The following COL11A1 variants were observed in gnomAD, a reference collection of about 807,000 sequenced individuals.
COL11A1 encodes collagen alpha-1(XI) chain.
In COL11A1, 74 loss-of-function variants were observed where a neutral mutation model predicts 265.2. The ratio of observed to expected loss-of-function variants is 0.28; its 90% CI spans 0.23 to 0.34. The LOEUF is 0.34. Ranked by LOEUF, COL11A1 falls within the 10% of genes least tolerant of loss-of-function variation. The pLI, the probability that COL11A1 is intolerant of heterozygous loss-of-function variation, is 1.00. For synonymous variants in COL11A1, 816 were observed against 727.6 expected, an observed-to-expected ratio of 1.12 and a Z score of -1.96; for missense variants, 2,165 against 2,263.6, an observed-to-expected ratio of 0.96 and a Z score of 0.88.
intron 42 of COL11A1, among the ~76,000 whole-genome samples, chr1:102,942,700 A>C (rs1199077703): frequency 3.3e-5 from 5 of 151,594 alleles, no homozygotes; most frequent in Non-Finnish European, 5.9e-5. Flanking sequence ...AAAATCCATC[A>C]CTCCTTCCTC....
At chr1:102,984,051 G>A in intron 31 of COL11A1, 87 bp downstream of exon 31, 1 of 944,234 alleles carries the variant, frequency 1.1e-6, no homozygotes, top group South Asian at 1.4e-5. Context: ...TGATAATATA[G>A]AGATGTTACA....
intron 12 of COL11A1, among the ~76,000 whole-genome samples, chr1:103,015,097 C>G (rs914909660): frequency 5.9e-5 from 9 of 151,878 alleles, no homozygotes; most frequent in African/African-American, 2.2e-4. Context: ...TGTAATATTC[C>G]TCTATAAAAT....
chr1:103,006,106 C>A lies in COL11A1; in HGVS notation c.1753G>T (p.Asp585Tyr). 1 of 1,613,954 alleles carries A rather than the reference C, an allele frequency of 6.2e-7. No individual in the cohort carries two copies. Among genetic ancestry groups the A allele is most frequent in the Non-Finnish European group, 8.5e-7 (1 of 1,179,952 alleles). ...TCTCCTGGCATTCCTCTTCCTCCAT[C>A]TGCACCTGGACGACCCTAATAATGC... ...KPGKRGRPGA[D>Y]GGRGMPGEPG... Residue 585 changes from aspartate (D) to tyrosine (Y), a missense_variant, in exon 17 of 67, where the codon GAT (aspartate) becomes TAT (tyrosine). Asp to Tyr is a radical substitution (Grantham distance 160). Coordinates refer to ENST00000370096, the MANE Select transcript of COL11A1 (RefSeq NM_001854.4).
At chr1:102,962,586 G>A in intron 39 of COL11A1, 67 bp downstream of exon 39, 1 of 1,305,416 alleles carries the variant, frequency 7.7e-7, no homozygotes, top group African/African-American at 1.4e-5. Flanking sequence ...CTGTAGACAA[G>A]GGGTGAGTAT....
At position 102,979,041 on chromosome 1, in the gene COL11A1, T is replaced by C; in HGVS notation, c.2655+19A>G. The C allele has an allele frequency of 6.2e-7, 1 of 1,614,018 alleles. No homozygotes were observed. The highest frequency in any genetic ancestry group is 2.2e-5 in the East Asian group (1 of 44,870). On this transcript the variant is annotated intron_variant, in intron 33 of 66. Coordinates refer to ENST00000370096, the MANE Select transcript of COL11A1 (RefSeq NM_001854.4). ...ATTCAATATGAAAAATGTACATCAT[T>C]TTAAATCAAGGCACCTACCGTTGGA...
chr1:103,038,457 G>C (rs1018168306), intron 4 of COL11A1, among the ~76,000 whole-genome samples: 1 of 152,086 alleles, frequency 6.6e-6, no homozygotes, highest in Non-Finnish European at 1.5e-5. Context: ...TCGACAAAGC[G>C]AGACTCTTTC....
intron 4 of COL11A1, among the ~76,000 whole-genome samples, chr1:103,053,173 G>A (rs1190692323): frequency 2.0e-5 from 3 of 152,186 alleles, no homozygotes; most frequent in South Asian, 2.1e-4. Flanking sequence ...GCCCCTTTTA[G>A]AGGACAAGTA....
chr1:103,087,911 A>G (rs1056603027), intron 1 of COL11A1, among the ~76,000 whole-genome samples: 1 of 152,200 alleles, frequency 6.6e-6, no homozygotes, highest in Non-Finnish European at 1.5e-5. Flanking sequence ...GAAACACGAT[A>G]ATGTGAAAAT....
Position 103,014,359 on chromosome 1 carries a change from A to G in COL11A1, c.1572+152T>C, listed in dbSNP as rs878944800. The G allele has an allele frequency of 1.1e-5, 8 of 716,410 alleles. No individual in the cohort carries two copies. In the South Asian group the frequency reaches 1.3e-4, roughly 12 times the overall value. The allele number at this position is 716,410 out of a possible 1,614,324, so 44.4% of individuals were successfully genotyped here. On this transcript the variant is annotated intron_variant, in intron 13 of 66. Transcript: ENST00000370096. ...TAATAAACATTACTACTAGAAAAAC[A>G]AATAAAATTTTAGCAGTTTTCCAAG...
chr1:103,033,484 C>T (rs1174407390), intron 4 of COL11A1, among the ~76,000 whole-genome samples: 1 of 151,980 alleles, frequency 6.6e-6, no homozygotes, highest in Non-Finnish European at 1.5e-5. Flanking sequence ...CAATCCTACA[C>T]AAAAATGTTA....
At chr1:103,039,374 T>C (rs1186523563) in intron 4 of COL11A1, among the ~76,000 whole-genome samples, 2 of 152,184 alleles carry the variant, frequency 1.3e-5, no homozygotes, top group African/African-American at 4.8e-5. Context: ...CGAATTTGTA[T>C]GTTGAAATCC....
chr1:103,026,287 C>T lies in COL11A1; in HGVS notation c.826G>A (p.Ala276Thr). ...ACACTTTCAGCCTCTTTATACTCTG[C>T]TTCCCCATACTCATAGTCATATTCG... ...IIEYDYEYGEAEYKEAESVTE... is the reference protein window; with the variant it reads ...IIEYDYEYGETEYKEAESVTE... The change falls in exon 6 of 67, where the codon GCA becomes ACA. Residue 276 changes from alanine (A) to threonine (T), a missense_variant. By Grantham distance (58) the Ala-to-Thr change is moderately conservative. Transcript: ENST00000370096. The T allele has an allele frequency of 6.2e-7, 1 of 1,613,660 alleles. No homozygotes were observed. Among genetic ancestry groups the T allele is most frequent in the South Asian group, 1.1e-5 (1 of 91,072 alleles).
intron 3 of COL11A1, among the ~76,000 whole-genome samples, chr1:103,078,077 A>C (rs6577348): frequency 0.14 from 20,949 of 152,098 alleles, 1,603 homozygotes; most frequent in Non-Finnish European, 0.16. Context: ...TCTTCTGCTC[A>C]AAAAGCCTCC....
chr1:103,025,598 C>T lies in COL11A1; in HGVS notation c.913G>A (p.Asp305Asn). Residue 305 changes from aspartate to asparagine, a missense_variant, in exon 7 of 67, where the codon GAT becomes AAT. Coordinates refer to ENST00000370096, the MANE Select transcript of COL11A1 (RefSeq NM_001854.4). Reference sequence around the variant, plus strand: ...GTTCCATAGTTGTATTCTTGAAAATCATCAACGATGTTTGCCTAATGGTAA... The same window carrying T: ...GTTCCATAGTTGTATTCTTGAAAATTATCAACGATGTTTGCCTAATGGTAA... Reference protein sequence around the residue: ...IAQTEANIVDDFQEYNYGTME... With the variant: ...IAQTEANIVDNFQEYNYGTME... The T allele has an allele frequency of 6.2e-7, 1 of 1,613,554 alleles. No homozygotes were observed. Among genetic ancestry groups the T allele is most frequent in the South Asian group, 1.1e-5 (1 of 91,068 alleles).
intron 2 of COL11A1, among the ~76,000 whole-genome samples, chr1:103,079,898 T>C (rs1237646569): frequency 6.6e-6 from 1 of 151,946 alleles, no homozygotes; most frequent in East Asian, 1.9e-4. Context: ...AGAAATATGA[T>C]TATGTCTGGC....
chr1:102,964,712 A>G (rs1661243935), intron 38 of COL11A1, among the ~76,000 whole-genome samples: 1 of 151,876 alleles, frequency 6.6e-6, no homozygotes, highest in Non-Finnish European at 1.5e-5. Flanking sequence ...AAAAGACTAA[A>G]CCAATTAAAT....
chr1:102,937,655 T>C (rs763910790), intron 44 of COL11A1, among the ~76,000 whole-genome samples: 2 of 152,094 alleles, frequency 1.3e-5, no homozygotes, highest in Non-Finnish European at 2.9e-5. Flanking sequence ...TAGGGTTTGG[T>C]CCCTCCTTGT....
At chr1:102,997,687 G>C (rs181761975) in intron 25 of COL11A1, among the ~76,000 whole-genome samples, 78 of 151,860 alleles carry the variant, frequency 5.1e-4, no homozygotes, top group Admixed American at 2.0e-3. Flanking sequence ...TACAAAATCT[G>C]CATATGTAGT....
intron 1 of COL11A1, among the ~76,000 whole-genome samples, chr1:103,103,520 GTAAA>G (rs1478987904): frequency 6.6e-6 from 1 of 151,854 alleles, no homozygotes; most frequent in East Asian, 1.9e-4. Flanking sequence ...TTCAAAGGTA[GTAAA>G]TAGAGTATTT....
Sources: allele counts gnomAD v4.1 joint callset (sites outside exome capture counted in the v4.1 genomes callset), GRCh38; gene constraint gnomAD v4.1.1; transcripts MANE v1.5; gene names NCBI Gene and HGNC (gene_info 2026-07-23, HGNC 2026-07-21).